Variants in ERBB2 observed in about 807,000 individuals in gnomAD.
ERBB2 encodes erb-b2 receptor tyrosine kinase 2.
Under a neutral mutation model 149.0 loss-of-function variants are expected in ERBB2, and 61 were observed. That is an observed-to-expected ratio of 0.41 (90% CI 0.33 to 0.51). The LOEUF (loss-of-function observed/expected upper bound fraction) is 0.51, where lower values mean the gene tolerates loss of function less well. Ranked by LOEUF, ERBB2 falls within the 20% of genes least tolerant of loss-of-function variation. ERBB2 has a pLI of 0.25. For synonymous variants in ERBB2, 633 were observed against 678.8 expected, an observed-to-expected ratio of 0.93 and a Z score of 1.05; for missense variants, 1,205 against 1,655.1, an observed-to-expected ratio of 0.73 and a Z score of 4.72.
chr17:39,708,536 T>C lies in ERBB2; in HGVS notation c.439+2T>C, dbSNP rs1567898617. ...AGCTGCAGCTTCGAAGCCTCACAGGTGGCCTTCACCGTCATTGAAACCTTC... is the reference window on the plus strand; with the variant it reads ...AGCTGCAGCTTCGAAGCCTCACAGGCGGCCTTCACCGTCATTGAAACCTTC... On this transcript the variant is annotated splice_donor_variant, in intron 3 of 26. Transcript: ENST00000269571. LOFTEE classifies it high-confidence loss of function. The C allele has an allele frequency of 1.9e-6, 3 of 1,612,530 alleles. No individual in the cohort carries two copies. Among genetic ancestry groups the C allele is most frequent in the Non-Finnish European group, 2.5e-6 (3 of 1,178,750 alleles).
At chr17:39,711,846 C>G in intron 7 of ERBB2, 82 bp from the exon 8 acceptor site, 1 of 1,560,054 alleles carries the variant, frequency 6.4e-7, no homozygotes. Context: ...TATTATTCTT[C>G]TTGTGCCTGG....
chr17:39,699,996 GAGA>G, upstream of ERBB2: 2 of 1,267,396 alleles, frequency 1.6e-6, no homozygotes, highest in Non-Finnish European at 9.9e-7. Context: ...CCAATCACAG[GAGA>G]AGGAGGAGGT....
intron 14 of ERBB2, 115 bp from the exon 15 acceptor site, chr17:39,717,204 GA>G (rs1458524955): frequency 1.2e-6 from 1 of 830,304 alleles, no homozygotes; most frequent in East Asian, 2.9e-5. Flanking sequence ...GGAGCATGGC[GA>G]AAATTGCTGC....
upstream of ERBB2, among the ~76,000 whole-genome samples, chr17:39,695,454 T>C (rs2057836481): frequency 6.6e-6 from 1 of 152,078 alleles, no homozygotes; most frequent in Admixed American, 6.6e-5. Flanking sequence ...AGCTTCTAAG[T>C]TATCCTCCTT....
chr17:39,725,899 C>A lies in ERBB2; in HGVS notation c.2872+46C>A. Reference sequence around the variant, plus strand: ...GGCTGCCTGGAGGAGGGTGGGAGGTCCTGGGTGGAGGAGCCCACAAGGGGC... The same window carrying A: ...GGCTGCCTGGAGGAGGGTGGGAGGTACTGGGTGGAGGAGCCCACAAGGGGC... On this transcript the variant is annotated intron_variant, in intron 23 of 26. Coordinates refer to ENST00000269571, the MANE Select transcript of ERBB2 (RefSeq NM_004448.4). This position sits in a 1 kb window ranked among gnomAD's most constrained non-coding sequence, Gnocchi z 4.6. The A allele has an allele frequency of 1.9e-6, 3 of 1,604,012 alleles. No homozygotes were observed. In the South Asian group the frequency reaches 3.4e-5, roughly 18 times the overall value.
At chr17:39,709,960 G>C in intron 5 of ERBB2, 79 bp downstream of exon 5, 2 of 1,503,200 alleles carry the variant, frequency 1.3e-6, no homozygotes. Flanking sequence ...CAGGTGACAT[G>C]GGAGGGGTGG....
Position 39,725,702 on chromosome 17 carries a change from C to T in ERBB2, c.2726-5C>T, listed in dbSNP as rs1236880632. On this transcript the variant is annotated splice_region_variant and splice_polypyrimidine_tract_variant and intron_variant, in intron 22 of 26. Coordinates refer to ENST00000269571, the MANE Select transcript of ERBB2 (RefSeq NM_004448.4). The surrounding 1 kb of genome is among the most constrained non-coding windows in gnomAD (Gnocchi z 4.6). ...CTCCCACTCCTGACCCTGTCTCTGCCTTAGGTGTGACTGTGTGGGAGCTGA... is the reference window on the plus strand; with the variant it reads ...CTCCCACTCCTGACCCTGTCTCTGCTTTAGGTGTGACTGTGTGGGAGCTGA... The T allele has an allele frequency of 6.2e-7, 1 of 1,610,060 alleles. No homozygotes were observed. The highest frequency in any genetic ancestry group is 1.1e-5 in the South Asian group (1 of 90,868).
chr17:39,694,624 C>T (rs1226173535), upstream of ERBB2: 4 of 152,128 alleles, frequency 2.6e-5, 1 homozygote, highest in Middle Eastern at 6.8e-3. Flanking sequence ...CCATCAGAAA[C>T]GAATTGTCCC....
In ERBB2 at chr17:39,726,474, C is replaced by A; in HGVS notation, c.2873-88C>A. ...GCTTTGGGCTGTCCCTTGGGACTGT[C>A]TAGACCAGACTGGAGGGGGAGTGGG... On this transcript the variant is annotated intron_variant, in intron 23 of 26. Coordinates refer to ENST00000269571, the MANE Select transcript of ERBB2 (RefSeq NM_004448.4). The surrounding 1 kb of genome is among the most constrained non-coding windows in gnomAD (Gnocchi z 5.1). 9.0e-7 allele frequency: 1 copy of A among 1,116,146 alleles called. No homozygotes were observed. Among genetic ancestry groups the A allele is most frequent in the Non-Finnish European group, 1.3e-6 (1 of 740,870 alleles). The allele number at this position is 1,116,146 out of a possible 1,614,324, so 69.1% of individuals were successfully genotyped here.
chr17:39,726,086 T>C lies in ERBB2; in HGVS notation c.2872+233T>C, dbSNP rs145379544. The C allele has an allele frequency of 1.7e-3, 879 of 511,202 alleles. 9 individuals carry two copies. The highest frequency in any genetic ancestry group is 0.015 in the African/African-American group (785 of 50,850). 31.7% of individuals were successfully genotyped at this position (511,202 alleles called of 1,614,324 possible). ...CAGTGGCTCATGCCTGTAATCCCAG[T>C]ACTTTTGGAGGCTGAGGTGGGAGGA... On this transcript the variant is annotated intron_variant, in intron 23 of 26. Coordinates refer to ENST00000269571, the MANE Select transcript of ERBB2 (RefSeq NM_004448.4). This position sits in a 1 kb window ranked among gnomAD's most constrained non-coding sequence, Gnocchi z 5.1.
Position 39,725,580 on chromosome 17 carries a change from G to T in ERBB2, c.2726-127G>T, listed in dbSNP as rs1028351577. On this transcript the variant is annotated intron_variant, in intron 22 of 26. Transcript: ENST00000269571. This position sits in a 1 kb window ranked among gnomAD's most constrained non-coding sequence, Gnocchi z 4.6. The stretch of plus-strand genomic sequence containing the variant: ...CAGGATTAGGGAAAGACCGGGTAGG[G>T]TCTGTCTCCTGGCATCACATCTCCC... 3 of 1,243,954 alleles carry T rather than the reference G, an allele frequency of 2.4e-6. No homozygotes were observed. The highest frequency in any genetic ancestry group is 2.3e-6 in the Non-Finnish European group (2 of 885,764). 77.1% of individuals were successfully genotyped at this position (1,243,954 alleles called of 1,614,324 possible).
chr17:39,688,784 A>C (rs1182363134), exon 2 of ERBB2: 1 of 152,370 alleles, frequency 6.6e-6, no homozygotes, highest in Non-Finnish European at 1.5e-5. Flanking sequence ...TACCTCCAGC[A>C]CAGAATTTGG....
intron 2 of ERBB2, chr17:39,707,537 C>G (rs1350766025): frequency 5.8e-6 from 1 of 172,442 alleles, no homozygotes. Flanking sequence ...GGCCTACACC[C>G]CCTTAGCTTC....
Position 39,700,286 on chromosome 17 carries a change from GC to G in ERBB2, c.54del (p.Gly19GlufsTer13). On this transcript the variant is annotated frameshift_variant, in exon 1 of 27. Coordinates refer to ENST00000269571, the MANE Select transcript of ERBB2 (RefSeq NM_004448.4). LOFTEE classifies it high-confidence loss of function. The part of the protein sequence containing the change: ...CRWGLLLALL[P>X]PGAASTQVCT... ...GCTGGGGGCTCCTCCTCGCCCTCTT[GC>G]CCCCCGGAGCCGCGAGCACCCAAGG... 1.1e-5 allele frequency: 16 copies of G among 1,429,082 alleles called. No homozygotes were observed. Among genetic ancestry groups the G allele is most frequent in the Middle Eastern group, 2.5e-4 (1 of 4,010 alleles). The allele number at this position is 1,429,082 out of a possible 1,614,324, so 88.5% of individuals were successfully genotyped here. A position where few individuals can be genotyped will look rare whatever the true frequency, so the allele number is the denominator to read the frequency against.
At chr17:39,720,622 G>A (rs781344747) in intron 16 of ERBB2, among the ~76,000 whole-genome samples, 5 of 152,078 alleles carry the variant, frequency 3.3e-5, no homozygotes, top group Non-Finnish European at 5.9e-5. Flanking sequence ...ATCAACACCC[G>A]GGAGCTCCAT....
Position 39,727,205 on chromosome 17 carries a change from G to GT in ERBB2, c.3160-85dup. The GT allele has an allele frequency of 6.6e-7, 1 of 1,507,596 alleles. No individual in the cohort carries two copies. The highest frequency in any genetic ancestry group is 2.3e-5 in the East Asian group (1 of 44,398). 93.4% of individuals were successfully genotyped at this position (1,507,596 alleles called of 1,614,324 possible). On this transcript the variant is annotated intron_variant, in intron 25 of 26. Transcript: ENST00000269571. The surrounding 1 kb of genome is among the most constrained non-coding windows in gnomAD (Gnocchi z 4.3). ...GTGTCATACCCCAAAGGTGACCTCTGTTTTTCTCCTGTGACCCTGTCACCT... is the reference window on the plus strand; with the variant it reads ...GTGTCATACCCCAAAGGTGACCTCTGTTTTTTCTCCTGTGACCCTGTCACCT...
At chr17:39,709,499 C>G in intron 4 of ERBB2, 47 bp downstream of exon 4, 2 of 1,608,552 alleles carry the variant, frequency 1.2e-6, no homozygotes, top group Non-Finnish European at 1.7e-6. Context: ...ACAGCCTGAC[C>G]CCAGCCGCAA....
At chr17:39,691,243 G>A (rs1468719298), upstream of ERBB2, among the ~76,000 whole-genome samples, 2 of 151,804 alleles carry the variant, frequency 1.3e-5, no homozygotes, top group African/African-American at 4.8e-5. Context: ...CCATAAACAA[G>A]TGTCAAACAA....
At chr17:39,700,614 G>A (rs998551383) in intron 1 of ERBB2, among the ~76,000 whole-genome samples, 2 of 152,222 alleles carry the variant, frequency 1.3e-5, no homozygotes, top group African/African-American at 4.8e-5. Context: ...CGCAAAGGGT[G>A]TATTGCGTAG....
Sources: allele counts gnomAD v4.1 joint callset (sites outside exome capture counted in the v4.1 genomes callset), GRCh38; gene constraint gnomAD v4.1.1; non-coding constraint Gnocchi (gnomAD v3.1); transcripts MANE v1.5; gene names NCBI Gene and HGNC (gene_info 2026-07-23, HGNC 2026-07-21).